Variants in DLEC1 observed in about 807,000 individuals in gnomAD.
The protein encoded by DLEC1 is DLEC1 cilia and flagella associated protein, also known as deleted in lung and esophageal cancer protein 1.
In DLEC1, 146 loss-of-function variants were observed where a neutral mutation model predicts 198.1. The ratio of observed to expected loss-of-function variants is 0.74; its 90% CI spans 0.64 to 0.85. The LOEUF (loss-of-function observed/expected upper bound fraction) is 0.85, where lower values mean the gene tolerates loss of function less well. Ranked by LOEUF, DLEC1 falls within the 40% of genes least tolerant of loss-of-function variation. DLEC1 has a pLI of 0.00. For synonymous variants in DLEC1, 897 were observed against 866.8 expected, an observed-to-expected ratio of 1.03 and a Z score of -0.61; for missense variants, 2,233 against 2,220.0, an observed-to-expected ratio of 1.01 and a Z score of -0.12.
intron 6 of DLEC1, among the ~76,000 whole-genome samples, chr3:38,076,243 A>C (rs938111967): frequency 6.6e-6 from 1 of 152,146 alleles, no homozygotes; most frequent in East Asian, 1.9e-4. Context: ...AATTGGTGAG[A>C]TGTTTCTTGG....
At chr3:38,071,203 G>A (rs1385394595) in intron 6 of DLEC1, among the ~76,000 whole-genome samples, 6 of 152,172 alleles carry the variant, frequency 3.9e-5, no homozygotes, top group Non-Finnish European at 8.8e-5. Context: ...GGTTTTGGAT[G>A]AATTGAGAAA....
At chr3:38,114,934 A>G (rs780358760) in intron 26 of DLEC1, 49 bp from the exon 27 acceptor site, 10 of 1,554,226 alleles carry the variant, frequency 6.4e-6, no homozygotes, top group Admixed American at 3.5e-5. Context: ...CCTACCTGCA[A>G]GGTGTACGCT....
At position 38,116,639 on chromosome 3, in the gene DLEC1, G is replaced by A. The variant is rs760670827; in HGVS notation, c.4043G>A (p.Ser1348Asn). The A allele has an allele frequency of 1.2e-6, 2 of 1,614,124 alleles. No individual in the cohort carries two copies. Among genetic ancestry groups the A allele is most frequent in the South Asian group, 1.1e-5 (1 of 91,078 alleles). Residue 1348 changes from serine to asparagine, a missense_variant, in exon 28 of 37, where the codon AGC becomes AAC. By Grantham distance (46) the Ser-to-Asn change is conservative. Coordinates refer to ENST00000308059, the MANE Select transcript of DLEC1 (RefSeq NM_007335.4). Reference sequence around the variant, plus strand: ...GGCCCCTCCAGTTCATCGGAATTCAGCCATGAAACTGACTCATCAGTGAGC... The same window carrying A: ...GGCCCCTCCAGTTCATCGGAATTCAACCATGAAACTGACTCATCAGTGAGC... ...SPGPSSSSEFSHETDSSVEGS... is the reference protein window; with the variant it reads ...SPGPSSSSEFNHETDSSVEGS...
intron 22 of DLEC1, 41 bp downstream of exon 22, chr3:38,109,603 A>G (rs1257991499): frequency 6.2e-7 from 1 of 1,612,540 alleles, no homozygotes; most frequent in African/African-American, 1.3e-5. Context: ...CAGTGGACTG[A>G]GGAATGAGGC....
intron 2 of DLEC1, among the ~76,000 whole-genome samples, chr3:38,053,985 C>A (rs556402995): frequency 6.6e-6 from 1 of 152,110 alleles, no homozygotes; most frequent in South Asian, 2.1e-4. Context: ...TAAACAGATG[C>A]TTGAAGGCAG....
intron 1 of DLEC1, among the ~76,000 whole-genome samples, chr3:38,040,120 G>A (rs747302551): frequency 2.6e-5 from 4 of 152,182 alleles, no homozygotes; most frequent in African/African-American, 7.2e-5. Context: ...CGCGGCCTCT[G>A]TGCTGAGTCG....
At position 38,088,388 on chromosome 3, in the gene DLEC1, G is replaced by A; in HGVS notation, c.1665G>A (p.Glu555=). The part of the protein sequence containing the change: ...ELAPGHAILV[E]VLFSPKSLGK... ...CCCCGGGACATGCTATATTAGTGGA[G>A]GTAGGTAATCAGACATTGGCATGTA... The change falls in exon 10 of 37, where the codon GAG becomes GAA. Residue 555 remains glutamate, a splice_region_variant and synonymous_variant. Coordinates refer to ENST00000308059, the MANE Select transcript of DLEC1 (RefSeq NM_007335.4). The A allele has an allele frequency of 6.2e-7, 1 of 1,609,990 alleles. No homozygotes were observed. The highest frequency in any genetic ancestry group is 8.5e-7 in the Non-Finnish European group (1 of 1,177,004).
intron 11 of DLEC1, 92 bp from the exon 12 acceptor site, chr3:38,093,513 G>A: frequency 6.8e-7 from 1 of 1,470,990 alleles, no homozygotes; most frequent in Non-Finnish European, 9.4e-7. Context: ...AAGGCCAGCT[G>A]CATGTGGATG....
intron 9 of DLEC1, among the ~76,000 whole-genome samples, chr3:38,087,073 CAA>C (rs1357870514): frequency 1.3e-4 from 12 of 94,782 alleles, no homozygotes; most frequent in Non-Finnish European, 1.6e-4. Flanking sequence ...GACTCCATCT[CAA>C]AAAAAAAAAA....
At chr3:38,061,788 C>G (rs771985518) in intron 3 of DLEC1, among the ~76,000 whole-genome samples, 5 of 152,192 alleles carry the variant, frequency 3.3e-5, no homozygotes, top group Non-Finnish European at 7.3e-5. Context: ...CCCACTCAGC[C>G]TCCTGAGCAT....
chr3:38,113,188 A>G (rs1004730154), intron 25 of DLEC1, among the ~76,000 whole-genome samples: 1 of 152,212 alleles, frequency 6.6e-6, no homozygotes, highest in Non-Finnish European at 1.5e-5. Flanking sequence ...AATTAAAGAA[A>G]TGCAAAATAA....
chr3:38,107,696 A>C lies in DLEC1; in HGVS notation c.2977A>C (p.Ile993Leu). The change falls in exon 20 of 37, where the codon ATC becomes CTC. Residue 993 changes from isoleucine to leucine, a missense_variant. Physicochemically the swap from Ile to Leu is conservative, Grantham distance 5. Transcript: ENST00000308059. ...GVPTKTTITL[I>L]NGTLLPTQFH... ...GCCCACGAAGACAACCATCACACTT[A>C]TCAATGGCACGCTCCTGCCTACCCA... The C allele has an allele frequency of 6.2e-7, 1 of 1,614,132 alleles. No homozygotes were observed. Among genetic ancestry groups the C allele is most frequent in the Non-Finnish European group, 8.5e-7 (1 of 1,180,002 alleles).
chr3:38,080,951 A>G (rs1345663511), intron 6 of DLEC1, among the ~76,000 whole-genome samples: 1 of 138,530 alleles, frequency 7.2e-6, no homozygotes, highest in Non-Finnish European at 1.6e-5. Flanking sequence ...TCCTAGGCAG[A>G]GGACCCTGCG....
chr3:38,117,466 TG>T (rs906686918), intron 31 of DLEC1, 60 bp from the exon 32 acceptor site: 4 of 1,609,952 alleles, frequency 2.5e-6, no homozygotes, highest in Non-Finnish European at 3.4e-6. Flanking sequence ...ATGAGCAGAG[TG>T]GGGGCAGCCA....
intron 29 of DLEC1, 22 bp downstream of exon 29, chr3:38,116,911 G>T: frequency 6.2e-7 from 1 of 1,612,340 alleles, no homozygotes; most frequent in South Asian, 1.1e-5. Context: ...TATGGGCTGG[G>T]AGCTGTCTGC....
chr3:38,093,843 G>C, intron 12 of DLEC1, 76 bp downstream of exon 12: 1 of 1,571,694 alleles, frequency 6.4e-7, no homozygotes, highest in Non-Finnish European at 8.7e-7. Flanking sequence ...AGTGAGACAG[G>C]AGGTCCTTCC....
rs756444046 is a variant in DLEC1, at chr3:38,123,321, C to T, written c.*909C>T. On this transcript the variant is annotated 3_prime_UTR_variant, in exon 37 of 37. Transcript: ENST00000308059. ...CTGCAGGCTAGTATCCCTTTCAAGG[C>T]TGGCCCTTAAGGAAAACAGGGATCA... The T allele has an allele frequency of 8.0e-5, 47 of 587,682 alleles. No individual in the cohort carries two copies. Among genetic ancestry groups the T allele is most frequent in the African/African-American group, 1.7e-4 (9 of 53,826 alleles). The allele number at this position is 587,682 out of a possible 1,614,324, so 36.4% of individuals were successfully genotyped here.
At chr3:38,074,568 C>T (rs2125641520) in intron 6 of DLEC1, among the ~76,000 whole-genome samples, 1 of 152,282 alleles carries the variant, frequency 6.6e-6, no homozygotes, top group Admixed American at 6.5e-5. Context: ...TTAAGCCTTT[C>T]AACTAGGCAG....
Position 38,095,870 on chromosome 3 carries a change from A to C in DLEC1, c.2113-18A>C. 1 of 1,613,756 alleles carries C rather than the reference A, an allele frequency of 6.2e-7. No homozygotes were observed. The highest frequency in any genetic ancestry group is 8.5e-7 in the Non-Finnish European group (1 of 1,179,938). The stretch of plus-strand genomic sequence containing the variant: ...TGGAACGCAGTGGTGTTTTCAGGGC[A>C]CTGTGTTTGCCTTGCAGCTGAGGGA... On this transcript the variant is annotated intron_variant, in intron 13 of 36. Coordinates refer to ENST00000308059, the MANE Select transcript of DLEC1 (RefSeq NM_007335.4).
Sources: gnomAD v4.1 joint callset for allele counts (sites outside exome capture counted in the v4.1 genomes callset) on GRCh38, gnomAD v4.1.1 for gene constraint, MANE v1.5 for transcripts, NCBI Gene and HGNC (gene_info 2026-07-23, HGNC 2026-07-21) for gene names.